The following ZNF705D variants were observed in gnomAD, a reference collection of about 807,000 sequenced individuals.
ZNF705D encodes zinc finger protein 705D, also known as putative zinc finger protein 705C.
For missense variants in ZNF705D, 6 were observed against 129.4 expected (o/e 0.05, Z 4.63); for synonymous variants, 1 against 43.8 (o/e 0.02, Z 3.86).
chr8:12,110,446 T>A lies in ZNF705D; in HGVS notation c.140-354T>A, dbSNP rs994948587. Among the ~76,000 whole-genome samples, 9 of 46,604 alleles carry A rather than the reference T, an allele frequency of 1.9e-4. 3 individuals are homozygous for A. The South Asian group carries it at 5.0e-3, about 26-fold the overall frequency. 30.6% of individuals were successfully genotyped at this position (46,604 alleles called of 152,430 possible). On this transcript the variant is annotated intron_variant, in intron 2 of 4. Coordinates refer to ENST00000400078, the Ensembl canonical transcript of ZNF705D. ...ACCAATTATTTTTGTAAATCGAATG[T>A]TTTTTTTTGTTCTGCGTGAGAATAA... is the stretch of plus-strand genomic sequence containing the variant.
chr8:12,106,245 C>CT (rs1378572726), upstream of ZNF705D, among the ~76,000 whole-genome samples: 21 of 108,104 alleles, frequency 1.9e-4, no homozygotes, highest in Admixed American at 6.2e-4. Flanking sequence ...TCTCTAATAT[C>CT]TTATTTTTTT....
intron 1 of ZNF705D, among the ~76,000 whole-genome samples, chr8:12,109,127 C>G (rs1200511944): frequency 2.1e-5 from 2 of 93,944 alleles, no homozygotes; most frequent in South Asian, 5.5e-4. Context: ...GGCTTCATAT[C>G]ACAGGAATCA....
upstream of ZNF705D, among the ~76,000 whole-genome samples, chr8:12,102,818 TC>T (rs1214475001): frequency 5.1e-5 from 2 of 39,184 alleles, no homozygotes; most frequent in South Asian, 3.4e-3. Flanking sequence ...CACCTTCCCT[TC>T]CCCCTCTAGT....
At chr8:12,090,018 C>G in the ZNF705D span, among the ~76,000 whole-genome samples, 6 of 65,710 alleles carry the variant, frequency 9.1e-5, no homozygotes, top group African/African-American at 1.8e-4. Context: ...GTTCTTACCC[C>G]GCCTGTGAAG....
At chr8:12,103,195 C>G (rs1189214377), upstream of ZNF705D, among the ~76,000 whole-genome samples, 18 of 90,114 alleles carry the variant, frequency 2.0e-4, no homozygotes, top group South Asian at 5.8e-4. Context: ...GTTCTCCAAG[C>G]ACTGAGATGT....
chr8:12,090,163 C>G, the ZNF705D span, among the ~76,000 whole-genome samples: 1 of 92,352 alleles, frequency 1.1e-5, no homozygotes, highest in African/African-American at 2.7e-5. Flanking sequence ...GGCCACCCCC[C>G]CGATGGATGT....
At chr8:12,105,085 CT>C (rs1802183321), upstream of ZNF705D, among the ~76,000 whole-genome samples, 2 of 102,042 alleles carry the variant, frequency 2.0e-5, no homozygotes, top group Non-Finnish European at 4.5e-5. Flanking sequence ...AGAATGTGAG[CT>C]GCTGTTTCCC....
At chr8:12,099,885 C>CGAAATCA (rs1222587051), upstream of ZNF705D, among the ~76,000 whole-genome samples, 16 of 138,546 alleles carry the variant, frequency 1.2e-4, no homozygotes, top group East Asian at 3.4e-3. Flanking sequence ...GACTGTGTTG[C>CGAAATCA]GAAATCAGTT....
At chr8:12,105,752 A>G (rs1425624447), upstream of ZNF705D, among the ~76,000 whole-genome samples, 5 of 49,158 alleles carry the variant, frequency 1.0e-4, no homozygotes, top group African/African-American at 1.9e-4. Flanking sequence ...AAAAAAAAAA[A>G]AGAGAGAGAG....
At chr8:12,110,635 C>G (rs1201271494) in intron 2 of ZNF705D, among the ~76,000 whole-genome samples, 165 bp from the exon 5 acceptor site, 2 of 4,624 alleles carry the variant, frequency 4.3e-4, no homozygotes, top group African/African-American at 6.2e-4. Context: ...TTTCTAGTCT[C>G]AAGTTGGGTC....
the ZNF705D span, among the ~76,000 whole-genome samples, chr8:12,090,724 G>T: frequency 4.2e-5 from 2 of 47,810 alleles, no homozygotes; most frequent in African/African-American, 7.9e-5. Context: ...TGTAGATGCT[G>T]TATATTGGAT....
chr8:12,090,796 G>A, the ZNF705D span, among the ~76,000 whole-genome samples: 30 of 49,204 alleles, frequency 6.1e-4, no homozygotes, highest in Admixed American at 1.3e-3. Flanking sequence ...TTTTTGCTCT[G>A]TTAATAGTTT....
chr8:12,090,162 C>T, the ZNF705D span, among the ~76,000 whole-genome samples: 2 of 92,204 alleles, frequency 2.2e-5, 1 homozygote, highest in East Asian at 5.1e-3. Context: ...TGGCCACCCC[C>T]CCGATGGATG....
the ZNF705D span, among the ~76,000 whole-genome samples, chr8:12,089,794 T>G: frequency 1.7e-5 from 1 of 59,258 alleles, no homozygotes; most frequent in African/African-American, 3.1e-5. Context: ...TCAGTGGAGT[T>G]GTGTACCTAG....
the ZNF705D span, among the ~76,000 whole-genome samples, chr8:12,090,739 G>C: frequency 4.0e-5 from 2 of 50,570 alleles, 1 homozygote; most frequent in South Asian, 3.3e-3. Flanking sequence ...TTGGATCTTT[G>C]TCGAATGCAT....
chr8:12,090,161 C>T, the ZNF705D span, among the ~76,000 whole-genome samples: 1 of 92,132 alleles, frequency 1.1e-5, no homozygotes, highest in African/African-American at 2.7e-5. Context: ...CTGGCCACCC[C>T]CCCGATGGAT....
At chr8:12,090,078 C>A in the ZNF705D span, among the ~76,000 whole-genome samples, 2 of 80,330 alleles carry the variant, frequency 2.5e-5, 1 homozygote, top group Non-Finnish European at 6.0e-5. Flanking sequence ...AGGAGGCTTC[C>A]AGCCCCATTC....
At chr8:12,097,585 T>C in the ZNF705D span, among the ~76,000 whole-genome samples, 44 of 145,568 alleles carry the variant, frequency 3.0e-4, 1 homozygote, top group Non-Finnish European at 5.3e-4. Context: ...TCACACAATA[T>C]ACCCATGTAA....
the ZNF705D span, among the ~76,000 whole-genome samples, chr8:12,095,751 C>T: frequency 0.029 from 462 of 15,696 alleles, 103 homozygotes; most frequent in African/African-American, 0.085. Context: ...TCTTTTTACT[C>T]CTACACACAC....
Sources: allele counts gnomAD v4.1 joint callset (sites outside exome capture counted in the v4.1 genomes callset), GRCh38; gene constraint gnomAD v4.1.1; transcripts MANE v1.5; gene names NCBI Gene and HGNC (gene_info 2026-07-23, HGNC 2026-07-21).